PDZD2: variants seen among roughly 807,000 people sequenced by gnomAD.
The protein encoded by PDZD2 is PDZ domain containing 2, also known as PDZ domain-containing protein 2.
In PDZD2, 90 loss-of-function variants were observed where a neutral mutation model predicts 220.7. The ratio of observed to expected loss-of-function variants is 0.41; its 90% CI spans 0.34 to 0.49. PDZD2 has a LOEUF of 0.49. Among genes scored for constraint, PDZD2 ranks in the 20% least tolerant of loss-of-function variants. The pLI is 0.28. For synonymous variants in PDZD2, 1,375 were observed against 1,450.5 expected, an observed-to-expected ratio of 0.95 and a Z score of 1.18; for missense variants, 3,174 against 3,608.5, an observed-to-expected ratio of 0.88 and a Z score of 3.08.
Position 32,087,924 on chromosome 5 carries a change from C to T in PDZD2, c.4476C>T (p.Pro1492=), listed in dbSNP as rs551349052. ...GGAGGGCCTGGGCTGCTGGTGCCCC[C>T]GCCTACCCACAATGGGCCTCCCAGC... ...SPRRAWAAGA[P]AYPQWASQPS... The change falls in exon 20 of 25, where the codon CCC becomes CCT. Residue 1492 remains proline (P), a synonymous_variant. Transcript: ENST00000438447. This position sits in a 1 kb window ranked among gnomAD's most constrained non-coding sequence, Gnocchi z 4.0. 30 of 1,613,818 alleles carry T rather than the reference C, an allele frequency of 1.9e-5. No individual in the cohort carries two copies. The highest frequency in any genetic ancestry group is 2.5e-5 in the Non-Finnish European group (29 of 1,179,886).
rs143525868 is a variant in PDZD2 at position 31,939,470 on chromosome 5, G to GGC, written c.477-43683_477-43682dup. Among the ~76,000 whole-genome samples the GGC allele has an allele frequency of 2.2e-3, 338 of 152,308 alleles. 2 individuals are homozygous for GGC. The highest frequency in any genetic ancestry group is 7.7e-3 in the African/African-American group (320 of 41,556). Reference sequence around the variant, plus strand: ...GGTGCTGTGTGGCCAGATGCAGTGAGGCGGGCTGTGGGGTGAAGGGTTGGC... The same window carrying GGC: ...GGTGCTGTGTGGCCAGATGCAGTGAGGCGCGGGCTGTGGGGTGAAGGGTTGGC... On this transcript the variant is annotated intron_variant, in intron 2 of 24. Transcript: ENST00000438447.
chr5:32,006,539 C>T (rs1022619924), intron 5 of PDZD2, among the ~76,000 whole-genome samples: 6 of 151,436 alleles, frequency 4.0e-5, no homozygotes, highest in African/African-American at 1.2e-4. Context: ...TTGTTTGAGA[C>T]AGATTTAAAC....
chr5:31,849,103 T>C (rs1757771797), intron 2 of PDZD2, among the ~76,000 whole-genome samples: 2 of 152,270 alleles, frequency 1.3e-5, no homozygotes, highest in East Asian at 3.9e-4. Flanking sequence ...AGATGATTAT[T>C]TCCCCAGGCA....
intron 1 of PDZD2, among the ~76,000 whole-genome samples, chr5:31,686,458 G>A (rs1274732114): frequency 6.6e-6 from 1 of 151,992 alleles, no homozygotes; most frequent in African/African-American, 2.4e-5. Flanking sequence ...TCCACCTCCA[G>A]GTTCAAGCGA....
At chr5:31,946,826 A>G (rs1198371161) in intron 2 of PDZD2, among the ~76,000 whole-genome samples, 1 of 152,150 alleles carries the variant, frequency 6.6e-6, no homozygotes, top group East Asian at 1.9e-4. Flanking sequence ...TTTGTTTCCC[A>G]AGTAGCTGCG....
At chr5:31,737,462 G>T (rs183363178) in intron 1 of PDZD2, among the ~76,000 whole-genome samples, 2 of 152,066 alleles carry the variant, frequency 1.3e-5, no homozygotes, top group Non-Finnish European at 2.9e-5. Context: ...GTGAGCTACC[G>T]CGCCCGGCCA....
chr5:31,806,123 A>C (rs1337537406), intron 2 of PDZD2, among the ~76,000 whole-genome samples: 1 of 152,178 alleles, frequency 6.6e-6, no homozygotes, highest in Non-Finnish European at 1.5e-5. Context: ...ACCTTATAGG[A>C]GTCCATTTTT....
At chr5:31,810,696 C>T (rs1755061764) in intron 2 of PDZD2, among the ~76,000 whole-genome samples, 1 of 152,220 alleles carries the variant, frequency 6.6e-6, no homozygotes, top group African/African-American at 2.4e-5. Flanking sequence ...ACTTCACTCC[C>T]ATTCCACCTG....
At chr5:32,095,932 A>G (rs1743642751) in intron 21 of PDZD2, among the ~76,000 whole-genome samples, 1 of 137,016 alleles carries the variant, frequency 7.3e-6, no homozygotes, top group African/African-American at 2.8e-5. Context: ...TTTAGTAGAG[A>G]CGGGGTTTCA....
intron 2 of PDZD2, among the ~76,000 whole-genome samples, chr5:31,979,158 C>T (rs977583559): frequency 6.6e-5 from 10 of 152,120 alleles, no homozygotes; most frequent in Admixed American, 3.9e-4. Flanking sequence ...AGAGATTTAA[C>T]GTATTTAATA....
rs369273666 is a variant in PDZD2 at position 32,074,165 on chromosome 5, G to A, written c.3059G>A (p.Arg1020Gln). ...ATGGACGTCCACAACCAAGAGGAAC[G>A]ACCCCGGAAAACACTGGTGAGCAAG... is the stretch of plus-strand genomic sequence containing the variant. ...KGMDVHNQEE[R>Q]PRKTLVSKAI... Residue 1020 changes from arginine to glutamine, a missense_variant, in exon 18 of 25, where the codon CGA (arginine) becomes CAA (glutamine). Around this residue, in one of 4 missense-constraint regions of PDZD2, gnomAD observed 1,861 missense variants for 2,001.0 expected, o/e 0.93. Transcript: ENST00000438447. The A allele has an allele frequency of 9.3e-6, 15 of 1,614,034 alleles. No homozygotes were observed. The highest frequency in any genetic ancestry group is 5.0e-5 in the Admixed American group (3 of 59,994).
intron 1 of PDZD2, among the ~76,000 whole-genome samples, chr5:31,676,221 CAG>C (rs757207261): frequency 2.0e-5 from 3 of 152,170 alleles, no homozygotes; most frequent in Non-Finnish European, 4.4e-5. Context: ...ATTAATCACT[CAG>C]TGTAAATCCA....
At chr5:31,642,492 A>G (rs2065409775) in intron 1 of PDZD2, among the ~76,000 whole-genome samples, 2 of 152,212 alleles carry the variant, frequency 1.3e-5, no homozygotes, top group African/African-American at 2.4e-5. Flanking sequence ...GAAGGAGACA[A>G]TGATTGCCAA....
Position 32,074,013 on chromosome 5 carries a change from T to A in PDZD2, c.2907T>A (p.Asp969Glu), listed in dbSNP as rs976709579. 6.2e-7 allele frequency: 1 copy of A among 1,614,138 alleles called. No homozygotes were observed. Among genetic ancestry groups the A allele is most frequent in the South Asian group, 1.1e-5 (1 of 91,078 alleles). The change falls in exon 18 of 25, where the codon GAT becomes GAA. Residue 969 changes from aspartate to glutamate, a missense_variant. Physicochemically the swap from Asp to Glu is conservative, Grantham distance 45 (BLOSUM62 2). This residue lies in a region of PDZD2 where 1,861 missense variants were observed against 2,001.0 expected (regional missense o/e 0.93). Transcript: ENST00000438447. ...QRKVGCYDANDASDEEEFDRE... is the reference protein window; with the variant it reads ...QRKVGCYDANEASDEEEFDRE... Reference sequence around the variant, plus strand: ...AGGTAGGCTGCTACGATGCCAACGATGCCAGTGATGAGGAAGAGTTTGACA... The same window carrying A: ...AGGTAGGCTGCTACGATGCCAACGAAGCCAGTGATGAGGAAGAGTTTGACA...
At chr5:32,086,843 A>ATTTTTT (rs10710224) in intron 19 of PDZD2, among the ~76,000 whole-genome samples, 9 of 85,200 alleles carry the variant, frequency 1.1e-4, no homozygotes, top group East Asian at 7.3e-4. Flanking sequence ...TGCCCAGCTA[A>ATTTTTT]TTTTTTTTTT....
At position 32,087,121 on chromosome 5, in the gene PDZD2, C is replaced by G. The variant is rs1024983169; in HGVS notation, c.3683-10C>G. On this transcript the variant is annotated splice_polypyrimidine_tract_variant and intron_variant, in intron 19 of 24. Transcript: ENST00000438447. This position sits in a 1 kb window ranked among gnomAD's most constrained non-coding sequence, Gnocchi z 4.0. ...TGTGTATGTACCTTCTGTTTACGTT[C>G]CCCACGTAGAACTGGACAGCTCCTC... 2 of 1,549,008 alleles carry G rather than the reference C, an allele frequency of 1.3e-6. No homozygotes were observed. The highest frequency in any genetic ancestry group is 1.8e-6 in the Non-Finnish European group (2 of 1,124,820).
chr5:32,052,688 A>T lies in PDZD2; in HGVS notation c.1743A>T (p.Pro581=), dbSNP rs746546563. 6.2e-7 allele frequency: 1 copy of T among 1,614,062 alleles called. No individual in the cohort carries two copies. The highest frequency in any genetic ancestry group is 1.6e-4 in the Middle Eastern group (1 of 6,062). ...AATCTCCTTGGAGGCTCATTCGGCC[A>T]TCCGTCATCTCGATCATTGGGTTGT... ...QVESPWRLIR[P]SVISIIGLYK... The change falls in exon 9 of 25, where the codon CCA becomes CCT. Residue 581 remains proline (P), a synonymous_variant. Coordinates refer to ENST00000438447, the MANE Select transcript of PDZD2 (RefSeq NM_178140.4).
chr5:31,937,987 A>C (rs1276358950), intron 2 of PDZD2, among the ~76,000 whole-genome samples: 3 of 152,222 alleles, frequency 2.0e-5, no homozygotes, highest in Non-Finnish European at 2.9e-5. Flanking sequence ...GAGTTGAAGA[A>C]ACAAAGAAGA....
intron 8 of PDZD2, among the ~76,000 whole-genome samples, chr5:32,051,474 G>A (rs986084722): frequency 3.7e-4 from 56 of 152,144 alleles, no homozygotes; most frequent in Non-Finnish European, 1.0e-4. Flanking sequence ...AAACTGTTTT[G>A]CGATGTCTCT....
Sources: allele counts gnomAD v4.1 joint callset (sites outside exome capture counted in the v4.1 genomes callset), GRCh38; gene constraint gnomAD v4.1.1; regional missense constraint gnomAD v4.1.1; non-coding constraint Gnocchi (gnomAD v3.1); transcripts MANE v1.5; gene names NCBI Gene and HGNC (gene_info 2026-07-23, HGNC 2026-07-21).